Variants in WDCP observed in about 807,000 individuals in gnomAD.
WDCP encodes WD repeat and coiled-coil-containing protein.
A neutral mutation model predicts 41.6 loss-of-function variants in WDCP; 19 were observed. The ratio of observed to expected loss-of-function variants is 0.46; its 90% CI spans 0.32 to 0.67. The LOEUF (loss-of-function observed/expected upper bound fraction) is 0.67, where lower values mean the gene tolerates loss of function less well. WDCP is among the 30% of genes least tolerant of loss of function. The pLI, the probability that WDCP is intolerant of heterozygous loss-of-function variation, is 0.04. For synonymous variants in WDCP, 302 were observed against 320.8 expected (o/e 0.94, Z 0.63); for missense variants, 802 against 850.7 (o/e 0.94, Z 0.71).
Position 24,045,413 on chromosome 2 carries a change from C to T in WDCP, c.-19+1901G>A, listed in dbSNP as rs1452442189. Among the ~76,000 whole-genome samples the T allele has an allele frequency of 3.3e-5, 5 of 150,676 alleles. No homozygotes were observed. The East Asian group carries it at 9.9e-4, about 30-fold the overall frequency. On this transcript the variant is annotated intron_variant, in intron 1 of 3. Transcript: ENST00000295148. The stretch of plus-strand genomic sequence containing the variant: ...GGTCAGGAGTTCGACACCACCCTGG[C>T]CAACATGGTGAAACCCTGTCTCTAC...
At chr2:24,035,548 A>T (rs985249975) in intron 2 of WDCP, among the ~76,000 whole-genome samples, 2 of 152,158 alleles carry the variant, frequency 1.3e-5, no homozygotes, top group African/African-American at 4.8e-5. Context: ...AAGAAAACAA[A>T]CTCTTTAAAA....
In WDCP at chr2:24,032,996, T is replaced by C. The variant is rs1663142544; in HGVS notation, c.1819-50A>G. 2.8e-6 allele frequency: 3 copies of C among 1,087,250 alleles called. No individual in the cohort carries two copies. The Admixed American group carries it at 5.4e-5, about 20-fold the overall frequency. 67.4% of individuals were successfully genotyped at this position (1,087,250 alleles called of 1,614,324 possible). A position where few individuals can be genotyped will look rare whatever the true frequency, so the allele number is the denominator to read the frequency against. On this transcript the variant is annotated intron_variant, in intron 2 of 3. Coordinates refer to ENST00000295148, the MANE Select transcript of WDCP (RefSeq NM_025203.3). ...TAAACTGATTGCAGAAGTAATCGAG[T>C]TAACATTTCTTAAGAAAGGAATGTG...
Position 24,037,763 on chromosome 2 carries a change from G to T in WDCP, c.1732C>A (p.Leu578Ile). Residue 578 changes from leucine to isoleucine, a missense_variant, in exon 2 of 4, where the codon CTT (leucine) becomes ATT (isoleucine). Coordinates refer to ENST00000295148, the MANE Select transcript of WDCP (RefSeq NM_025203.3). ...LVEMQRCLSE[L>I]TNRLHNGKKS... ...TTCCCATTATGCAGACGGTTTGTAA[G>T]TTCAGAAAGACACCGTTGCATTTCA... 1 of 1,614,234 alleles carries T rather than the reference G, an allele frequency of 6.2e-7. No homozygotes were observed. The highest frequency in any genetic ancestry group is 1.1e-5 in the South Asian group (1 of 91,082).
In WDCP at chr2:24,037,959, A is replaced by G. The variant is rs2150950546; in HGVS notation, c.1536T>C (p.Ala512=). 6.2e-7 allele frequency: 1 copy of G among 1,614,154 alleles called. No homozygotes were observed. The highest frequency in any genetic ancestry group is 8.5e-7 in the Non-Finnish European group (1 of 1,180,022). Reference sequence around the variant, plus strand: ...GCTGGGTAACAGGCTCAGCATCTAGAGCTATGGAGCCATCACAGATACTAG... The same window carrying G: ...GCTGGGTAACAGGCTCAGCATCTAGGGCTATGGAGCCATCACAGATACTAG... The part of the protein sequence containing the change: ...PLSSICDGSI[A]LDAEPVTQPA... Residue 512 remains alanine, a synonymous_variant, in exon 2 of 4, where the codon GCT becomes GCC. Transcript: ENST00000295148.
At position 24,039,446 on chromosome 2, in the gene WDCP, G is replaced by A; in HGVS notation, c.49C>T (p.His17Tyr). Reference protein sequence around the residue: ...KLLRTGLNALHQAVHPIHGLA... With the variant: ...KLLRTGLNALYQAVHPIHGLA... The stretch of plus-strand genomic sequence containing the variant: ...CCATGGATCGGATGCACTGCTTGAT[G>A]CAACGCATTCAGTCCAGTCCTGAGT... The change falls in exon 2 of 4, where the codon CAT (histidine) becomes TAT (tyrosine). Residue 17 changes from histidine to tyrosine, a missense_variant. Physicochemically the swap from His to Tyr is moderately conservative, Grantham distance 83 (BLOSUM62 2). Coordinates refer to ENST00000295148, the MANE Select transcript of WDCP (RefSeq NM_025203.3). 1 of 1,614,230 alleles carries A rather than the reference G, an allele frequency of 6.2e-7. No homozygotes were observed. Among genetic ancestry groups the A allele is most frequent in the Non-Finnish European group, 8.5e-7 (1 of 1,180,032 alleles).
chr2:24,036,698 G>A lies in WDCP; in HGVS notation c.1818+979C>T, dbSNP rs113961704. ...ACAAAGTGAATGTCAATCAACAAGG[G>A]AATGGCTAAATAAAGAGCATACTCT... is the stretch of plus-strand genomic sequence containing the variant. On this transcript the variant is annotated intron_variant, in intron 2 of 3. Transcript: ENST00000295148. Among the ~76,000 whole-genome samples, 580 of 152,300 alleles carry A rather than the reference G, an allele frequency of 3.8e-3. 4 individuals are homozygous for A. The highest frequency in any genetic ancestry group is 6.6e-3 in the Non-Finnish European group (447 of 68,032).
At chr2:24,041,196 G>T (rs1302078318) in intron 1 of WDCP, among the ~76,000 whole-genome samples, 1 of 150,874 alleles carries the variant, frequency 6.6e-6, no homozygotes, top group Non-Finnish European at 1.5e-5. Flanking sequence ...AAAATTAGCC[G>T]GGCATGGTGG....
At position 24,030,868 on chromosome 2, in the gene WDCP, T is replaced by A. The variant is rs530359373; in HGVS notation, c.*65A>T. 4 of 1,259,956 alleles carry A rather than the reference T, an allele frequency of 3.2e-6. No individual in the cohort carries two copies. In the South Asian group the frequency reaches 5.2e-5, roughly 16 times the overall value. 78.0% of individuals were successfully genotyped at this position (1,259,956 alleles called of 1,614,324 possible). A position where few individuals can be genotyped will look rare whatever the true frequency, so the allele number is the denominator to read the frequency against. On this transcript the variant is annotated 3_prime_UTR_variant, in exon 4 of 4. Coordinates refer to ENST00000295148, the MANE Select transcript of WDCP (RefSeq NM_025203.3). ...GGGAGTCTCATTGGCGAGTGTCCAG[T>A]GTCAAGCAGGCCTTGTTTGTAATGG...
intron 2 of WDCP, 33 bp downstream of exon 2, chr2:24,037,644 T>C: frequency 1.3e-6 from 2 of 1,561,190 alleles, no homozygotes; most frequent in Non-Finnish European, 1.7e-6. Flanking sequence ...GGAGCTTTTA[T>C]GTATAGTGGT....
chr2:24,029,802 C>T lies in WDCP; in HGVS notation c.*1131G>A, dbSNP rs973682180. The T allele has an allele frequency of 3.3e-5, 5 of 152,272 alleles. No homozygotes were observed. Among genetic ancestry groups the T allele is most frequent in the Non-Finnish European group, 7.3e-5 (5 of 68,044 alleles). The allele number at this position is 152,272 out of a possible 1,614,324, so 9.4% of individuals were successfully genotyped here. On this transcript the variant is annotated 3_prime_UTR_variant, in exon 4 of 4. Coordinates refer to ENST00000295148, the MANE Select transcript of WDCP (RefSeq NM_025203.3). ...AACAATTTATCTGCAGATGCCTAGC[C>T]ACTCACTGATCAATTTGTTATGCGC...
At position 24,032,943 on chromosome 2, in the gene WDCP, G is replaced by T; in HGVS notation, c.1822C>A (p.Pro608Thr). The change falls in exon 3 of 4, where the codon CCT becomes ACT. Residue 608 changes from proline (P) to threonine (T), a missense_variant. Transcript: ENST00000295148. The stretch of plus-strand genomic sequence containing the variant: ...TCAACAACAGGACCTAGATAATAAG[G>T]TTTCTGCAAATAAAAAATAAAAGTT... ...LPYVHIIYQK[P>T]YYLGPVVEKR... The T allele has an allele frequency of 6.3e-7, 1 of 1,578,242 alleles. No individual in the cohort carries two copies. Among genetic ancestry groups the T allele is most frequent in the Non-Finnish European group, 8.7e-7 (1 of 1,148,768 alleles).
rs1396065086 is a variant in WDCP at position 24,037,723 on chromosome 2, A to G, written c.1772T>C (p.Val591Ala). 4 of 1,614,110 alleles carry G rather than the reference A, an allele frequency of 2.5e-6. No individual in the cohort carries two copies. Among genetic ancestry groups the G allele is most frequent in the Non-Finnish European group, 1.7e-6 (2 of 1,179,992 alleles). ...AGGAAGATCTTGAGAGAGTGGATAC[A>G]CTGAAGAGGATTTCTTCCCATTATG... ...RLHNGKKSSS[V>A]YPLSQDLPYV... Residue 591 changes from valine to alanine, a missense_variant, in exon 2 of 4, where the codon GTG becomes GCG. Around this residue, in one of 5 missense-constraint regions of WDCP, gnomAD observed 321 missense variants for 305.1 expected, o/e 1.05. Coordinates refer to ENST00000295148, the MANE Select transcript of WDCP (RefSeq NM_025203.3).
At chr2:24,035,666 G>C (rs1663222034) in intron 2 of WDCP, among the ~76,000 whole-genome samples, 1 of 152,048 alleles carries the variant, frequency 6.6e-6, no homozygotes, top group African/African-American at 2.4e-5. Context: ...TGTAATCCCA[G>C]CGCTTTGGGA....
chr2:24,045,621 G>A (rs1378113264), intron 1 of WDCP, among the ~76,000 whole-genome samples: 2 of 80,446 alleles, frequency 2.5e-5, no homozygotes, highest in Admixed American at 1.2e-4. Flanking sequence ...AAAAAAAAAA[G>A]AGAGAGAGAG....
intron 1 of WDCP, among the ~76,000 whole-genome samples, chr2:24,046,355 C>T (rs1245263026): frequency 6.6e-6 from 1 of 152,168 alleles, no homozygotes; most frequent in Non-Finnish European, 1.5e-5. Flanking sequence ...TTCCCCAACG[C>T]TACTGATTTT....
intron 1 of WDCP, among the ~76,000 whole-genome samples, 197 bp from the exon 2 acceptor site, chr2:24,039,709 A>C (rs1663365664): frequency 6.6e-6 from 1 of 152,244 alleles, no homozygotes; most frequent in Admixed American, 6.5e-5. Context: ...ATCTTGAAGA[A>C]ATAAAATCTT....
Position 24,030,683 on chromosome 2 carries a change from T to G in WDCP, c.*250A>C, listed in dbSNP as rs1220175347. On this transcript the variant is annotated 3_prime_UTR_variant, in exon 4 of 4. Transcript: ENST00000295148. ...TAATATTGTTTTGTTCTGAGAATTC[T>G]GCCCTTAGTCAAAACCACACAGTCA... 1 of 436,968 alleles carries G rather than the reference T, an allele frequency of 2.3e-6. No homozygotes were observed. Among genetic ancestry groups the G allele is most frequent in the Non-Finnish European group, 4.1e-6 (1 of 244,518 alleles). 27.1% of individuals were successfully genotyped at this position (436,968 alleles called of 1,614,324 possible). A position where few individuals can be genotyped will look rare whatever the true frequency, so the allele number is the denominator to read the frequency against.
Position 24,042,872 on chromosome 2 carries a change from A to G in WDCP, c.-18-3360T>C, listed in dbSNP as rs578168603. ...AACATGGAGAAACCCCGTCTCTACT[A>G]AAAATACAAAATTAGCTGGGCGTGG... On this transcript the variant is annotated intron_variant, in intron 1 of 3. Transcript: ENST00000295148. 6.6e-5 allele frequency among the ~76,000 whole-genome samples: 10 copies of G among 151,042 alleles called. No individual in the cohort carries two copies. In the East Asian group the frequency reaches 2.0e-3, roughly 30 times the overall value.
intron 2 of WDCP, among the ~76,000 whole-genome samples, chr2:24,033,995 A>G (rs1045172224): frequency 6.6e-6 from 1 of 152,232 alleles, no homozygotes; most frequent in African/African-American, 2.4e-5. Context: ...AAAAGTCAAA[A>G]CCAACTAATC....
Sources: allele counts gnomAD v4.1 joint callset (sites outside exome capture counted in the v4.1 genomes callset), GRCh38; gene constraint gnomAD v4.1.1; regional missense constraint gnomAD v4.1.1; transcripts MANE v1.5; gene names NCBI Gene and HGNC (gene_info 2026-07-23, HGNC 2026-07-21).